Variants in UCHL5 observed in about 807,000 individuals in gnomAD.
UCHL5 encodes ubiquitin C-terminal hydrolase L5.
Under a neutral mutation model 53.8 loss-of-function variants are expected in UCHL5, and 34 were observed. The ratio of observed to expected loss-of-function variants is 0.63; its 90% confidence interval spans 0.48 to 0.84. The LOEUF is 0.84. Ranked by LOEUF, UCHL5 falls within the 40% of genes least tolerant of loss-of-function variation. The pLI, the probability that UCHL5 is intolerant of heterozygous loss-of-function variation, is 0.00. For missense variants in UCHL5, 290 were observed against 385.6 expected (o/e 0.75, Z 2.08); for synonymous variants, 111 against 126.3 (o/e 0.88, Z 0.81).
chr1:193,052,953 A>C (rs1205140628), intron 1 of UCHL5, among the ~76,000 whole-genome samples: 1 of 152,180 alleles, frequency 6.6e-6, no homozygotes, highest in Non-Finnish European at 1.5e-5. Flanking sequence ...ACTGCAAAAA[A>C]ACAGTGGTTA....
At chr1:193,038,351 G>A (rs961020994) in intron 3 of UCHL5, among the ~76,000 whole-genome samples, 1 of 151,844 alleles carries the variant, frequency 6.6e-6, no homozygotes, top group Non-Finnish European at 1.5e-5. Flanking sequence ...AGCTACTCGG[G>A]AGGCTGAGGC....
upstream of UCHL5, chr1:193,059,541 A>G: frequency 6.5e-7 from 1 of 1,545,242 alleles, no homozygotes. This position sits in a 1 kb window ranked among gnomAD's most constrained non-coding sequence, Gnocchi z 4.9. Flanking sequence ...GGTGATTCAC[A>G]GCGCCGAGGA....
chr1:193,027,627 G>C (rs1179572930), intron 7 of UCHL5, among the ~76,000 whole-genome samples: 1 of 152,190 alleles, frequency 6.6e-6, no homozygotes, highest in African/African-American at 2.4e-5. Flanking sequence ...AGAGGTTGCA[G>C]TGAGCCGAGA....
At position 193,023,822 on chromosome 1, in the gene UCHL5, ACT is replaced by A; in HGVS notation, c.732+20_732+21del. On this transcript the variant is annotated intron_variant, in intron 8 of 10. Coordinates refer to ENST00000367454, the MANE Select transcript of UCHL5 (RefSeq NM_001199261.3). ...GAGAATAACCAAGCTAGAACTTTGT[ACT>A]TAGAAACATGGCCACGAACCTCTGC... 2.6e-6 allele frequency: 4 copies of A among 1,560,310 alleles called. No individual in the cohort carries two copies. Among genetic ancestry groups the A allele is most frequent in the Non-Finnish European group, 3.5e-6 (4 of 1,134,078 alleles).
At chr1:193,043,151 T>TTAAAAAA (rs1553255148) in intron 3 of UCHL5, among the ~76,000 whole-genome samples, 8 of 36,372 alleles carry the variant, frequency 2.2e-4, no homozygotes, top group East Asian at 7.6e-4. Flanking sequence ...TCTTGAATAT[T>TTAAAAAA]AAAAAAAAAA....
At chr1:193,033,460 G>A (rs915344620) in intron 3 of UCHL5, among the ~76,000 whole-genome samples, 3 of 151,972 alleles carry the variant, frequency 2.0e-5, no homozygotes, top group African/African-American at 7.2e-5. Flanking sequence ...AAACGACCAT[G>A]GCACGTGTAT....
At position 193,043,479 on chromosome 1, in the gene UCHL5, C is replaced by T. The variant is rs552353286; in HGVS notation, c.246+6267G>A. 7.9e-5 allele frequency among the ~76,000 whole-genome samples: 12 copies of T among 152,220 alleles called. 1 individual carries two copies. The South Asian group carries it at 2.5e-3, about 32-fold the overall frequency. On this transcript the variant is annotated intron_variant, in intron 3 of 10. Transcript: ENST00000367454. ...GCTTTCTCTCTGACAAGGTGAAGTC[C>T]CACTTTTATGACTATAGTAAAGAAA...
At chr1:193,046,409 T>C (rs1300204561) in intron 3 of UCHL5, among the ~76,000 whole-genome samples, 1 of 151,916 alleles carries the variant, frequency 6.6e-6, no homozygotes, top group Non-Finnish European at 1.5e-5. Context: ...TTACAGGATA[T>C]TTATACCAAG....
chr1:193,028,525 C>T (rs1007650045), intron 6 of UCHL5, among the ~76,000 whole-genome samples: 1 of 151,576 alleles, frequency 6.6e-6, no homozygotes, highest in Non-Finnish European at 1.5e-5. Flanking sequence ...GACTTCAAAC[C>T]TATTATTAAA....
intron 10 of UCHL5, chr1:193,019,887 A>G (rs1248395447): frequency 1.0e-6 from 1 of 964,640 alleles, no homozygotes; most frequent in Non-Finnish European, 1.2e-6. Flanking sequence ...TATCTAACTT[A>G]AAATCTGATG....
chr1:193,025,015 C>T (rs899592953), intron 7 of UCHL5, among the ~76,000 whole-genome samples: 4 of 152,032 alleles, frequency 2.6e-5, no homozygotes, highest in African/African-American at 9.7e-5. Context: ...AGAAAAAAAG[C>T]AGACAAGCTG....
At position 193,013,979 on chromosome 1, in the gene UCHL5, C is replaced by T. The variant is rs1255538392; in HGVS notation, c.*2372G>A. On this transcript the variant is annotated 3_prime_UTR_variant, in exon 11 of 11. Coordinates refer to ENST00000367454, the MANE Select transcript of UCHL5 (RefSeq NM_001199261.3). ...GTTTTTGTTGATAATAACAGAAGTACATCCCTTAGAATTGGCTATTTTGAA... is the reference window on the plus strand; with the variant it reads ...GTTTTTGTTGATAATAACAGAAGTATATCCCTTAGAATTGGCTATTTTGAA... 2 of 152,090 alleles carry T rather than the reference C, an allele frequency of 1.3e-5. No individual in the cohort carries two copies. Among genetic ancestry groups the T allele is most frequent in the East Asian group, 3.8e-4 (2 of 5,204 alleles). 9.4% of individuals were successfully genotyped at this position (152,090 alleles called of 1,614,324 possible). A position where few individuals can be genotyped will look rare whatever the true frequency, so the allele number is the denominator to read the frequency against.
chr1:193,023,747 C>T, intron 8 of UCHL5, 97 bp downstream of exon 8: 1 of 927,896 alleles, frequency 1.1e-6, no homozygotes, highest in Non-Finnish European at 1.6e-6. Flanking sequence ...GCTTAGCCAC[C>T]ATTCAGACCA....
intron 3 of UCHL5, among the ~76,000 whole-genome samples, chr1:193,043,771 G>A (rs1163734921): frequency 6.6e-6 from 1 of 152,118 alleles, no homozygotes; most frequent in East Asian, 1.9e-4. Context: ...AGAATCGGAG[G>A]GGGTTCCTTG....
chr1:193,060,018 C>A (rs1229669745), upstream of UCHL5: 2 of 1,357,382 alleles, frequency 1.5e-6, no homozygotes, highest in Non-Finnish European at 2.0e-6. Flanking sequence ...TGGGCCCTTT[C>A]CGAAGCCGGG....
At chr1:193,030,487 A>G (rs1660971936) in intron 3 of UCHL5, among the ~76,000 whole-genome samples, 1 of 152,212 alleles carries the variant, frequency 6.6e-6, no homozygotes, top group Non-Finnish European at 1.5e-5. Flanking sequence ...TCTCTCCAAC[A>G]AGATTATAAA....
At chr1:193,024,705 T>C (rs865924261) in intron 7 of UCHL5, among the ~76,000 whole-genome samples, 20 of 151,684 alleles carry the variant, frequency 1.3e-4, no homozygotes, top group African/African-American at 4.3e-4. Context: ...AGCTGGTTCA[T>C]GGTAGCAACT....
chr1:193,039,166 C>G (rs912785787), intron 3 of UCHL5, among the ~76,000 whole-genome samples: 2 of 152,094 alleles, frequency 1.3e-5, no homozygotes, highest in African/African-American at 4.8e-5. Flanking sequence ...TTTGGGAGCC[C>G]AAGGCGGGCA....
At chr1:193,036,317 CAAAAAAAAAAAAAAAA>C (rs960496083) in intron 3 of UCHL5, among the ~76,000 whole-genome samples, 2 of 50,796 alleles carry the variant, frequency 3.9e-5, no homozygotes, top group African/African-American at 8.9e-5. Context: ...AACTGGAAAC[CAAAAAAAAAAAAAAAA>C]AAAAAAAAAG....
Sources: allele counts gnomAD v4.1 joint callset (sites outside exome capture counted in the v4.1 genomes callset), GRCh38; gene constraint gnomAD v4.1.1; non-coding constraint Gnocchi (gnomAD v3.1); transcripts MANE v1.5; gene names NCBI Gene and HGNC (gene_info 2026-07-23, HGNC 2026-07-21).